Variants in WNK1 observed in about 807,000 individuals in gnomAD.
WNK1 encodes WNK lysine deficient protein kinase 1, also known as serine/threonine-protein kinase WNK1.
In WNK1, 38 loss-of-function variants were observed where a neutral mutation model predicts 222.8. The ratio of observed to expected loss-of-function variants is 0.17; its 90% CI spans 0.13 to 0.22. The LOEUF (loss-of-function observed/expected upper bound fraction) is 0.22, where lower values mean the gene tolerates loss of function less well. Ranked by LOEUF, WNK1 falls within the 10% of genes least tolerant of loss-of-function variation. The pLI, the probability that WNK1 is intolerant of heterozygous loss-of-function variation, is 1.00. For synonymous variants in WNK1, 1,090 were observed against 1,092.9 expected, an observed-to-expected ratio of 1.00 and a Z score of 0.05; for missense variants, 2,348 against 2,918.4, an observed-to-expected ratio of 0.80 and a Z score of 4.50.
At position 808,761 on chromosome 12, in the gene WNK1, C is replaced by CTTT. The variant is rs11322620; in HGVS notation, c.760-4864_760-4862dup. On this transcript the variant is annotated intron_variant, in intron 1 of 27. Coordinates refer to ENST00000315939, the MANE Select transcript of WNK1 (RefSeq NM_018979.4). ...TGGCTTGAGAAAACTGTATCTCTCT[C>CTTT]TTTTTTTTTTTTTTTTTTTGAGAAG... is the stretch of plus-strand genomic sequence containing the variant. Among the ~76,000 whole-genome samples, 10 of 119,378 alleles carry CTTT rather than the reference C, an allele frequency of 8.4e-5. 1 individual carries two copies. Among genetic ancestry groups the CTTT allele is most frequent in the African/African-American group, 1.2e-4 (4 of 33,074 alleles). The allele number at this position is 119,378 out of a possible 152,430, so 78.3% of individuals were successfully genotyped here.
At chr12:796,568 G>A (rs571371557) in intron 1 of WNK1, among the ~76,000 whole-genome samples, 8 of 152,132 alleles carry the variant, frequency 5.3e-5, no homozygotes, top group East Asian at 1.9e-4. Flanking sequence ...GAGCCACTGC[G>A]CCCAGCTGAA....
At chr12:814,186 G>A (rs1405687604) in intron 2 of WNK1, among the ~76,000 whole-genome samples, 1 of 151,250 alleles carries the variant, frequency 6.6e-6, no homozygotes, top group South Asian at 2.1e-4. Context: ...AAAATTAGCC[G>A]GGCATGGTGG....
chr12:887,716 C>G (rs920888502), intron 20 of WNK1, among the ~76,000 whole-genome samples: 1 of 152,158 alleles, frequency 6.6e-6, no homozygotes, highest in Admixed American at 6.5e-5. Context: ...TTCCGCGAGT[C>G]CAGAGCAACC....
At chr12:773,810 A>G (rs1942808710) in intron 1 of WNK1, among the ~76,000 whole-genome samples, 1 of 152,056 alleles carries the variant, frequency 6.6e-6, no homozygotes, top group Admixed American at 6.6e-5. Context: ...GAATTAGTAT[A>G]AATATTTTTA....
intron 8 of WNK1, chr12:865,511 C>T: frequency 3.6e-6 from 4 of 1,104,266 alleles, no homozygotes; most frequent in Non-Finnish European, 5.0e-6. Flanking sequence ...CTGTAGGAAA[C>T]TTTTTTGTAA....
At chr12:907,744 T>G in intron 26 of WNK1, 103 bp from the exon 27 acceptor site, 1 of 1,361,808 alleles carries the variant, frequency 7.3e-7, no homozygotes, top group African/African-American at 1.4e-5. Flanking sequence ...TTCATCCTCT[T>G]CTCATTCTGT....
chr12:906,259 A>G (rs1255322881), intron 26 of WNK1: 1 of 962,516 alleles, frequency 1.0e-6, no homozygotes, highest in Non-Finnish European at 1.2e-6. Flanking sequence ...GAAAACAGAC[A>G]AGACCATGAC....
At position 897,521 on chromosome 12, in the gene WNK1, T is replaced by C. The variant is rs761704269; in HGVS notation, c.6288T>C (p.His2096=). Residue 2096 remains histidine (H), a synonymous_variant, in exon 25 of 28, where the codon CAT becomes CAC. Coordinates refer to ENST00000315939, the MANE Select transcript of WNK1 (RefSeq NM_018979.4). ...AGGACCTGCAGAGTCGCCAGAAGCA[T>C]GAAATTGAATCTTTGTATACCAAAC... ...EIQDLQSRQK[H]EIESLYTKLG... 1.6e-5 allele frequency: 26 copies of C among 1,612,750 alleles called. No individual in the cohort carries two copies. Among genetic ancestry groups the C allele is most frequent in the Admixed American group, 6.7e-5 (4 of 60,004 alleles).
At chr12:787,009 TTAGA>T (rs1565429465) in intron 1 of WNK1, among the ~76,000 whole-genome samples, 1 of 152,218 alleles carries the variant, frequency 6.6e-6, no homozygotes, top group Non-Finnish European at 1.5e-5. Context: ...CTTGCCTTTC[TTAGA>T]TAGATTTATT....
chr12:792,308 C>CTTTTT (rs35838951), intron 1 of WNK1, among the ~76,000 whole-genome samples: 11 of 89,060 alleles, frequency 1.2e-4, no homozygotes, highest in East Asian at 8.2e-4. Context: ...TACTGTTATT[C>CTTTTT]TTTTTTTTTT....
intron 1 of WNK1, among the ~76,000 whole-genome samples, chr12:775,312 A>G (rs192891423): frequency 1.9e-3 from 293 of 152,346 alleles, no homozygotes; most frequent in South Asian, 3.5e-3. Flanking sequence ...TAAATGGCTT[A>G]TCAAGTAATA....
Position 753,307 on chromosome 12 carries a change from T to C in WNK1, c.-259T>C, listed in dbSNP as rs1489991645. The C allele has an allele frequency of 2.8e-5, 15 of 541,956 alleles. No individual in the cohort carries two copies. Among genetic ancestry groups the C allele is most frequent in the East Asian group, 2.3e-4 (7 of 30,294 alleles). 33.6% of individuals were successfully genotyped at this position (541,956 alleles called of 1,614,324 possible). The stretch of plus-strand genomic sequence containing the variant: ...GCGGACCGTGCGGCGCTAACCCCCG[T>C]GGCTCAGCTCCCGAATCGCCCGCCT... On this transcript the variant is annotated 5_prime_UTR_variant, in exon 1 of 28. Transcript: ENST00000315939. The surrounding 1 kb of genome is among the most constrained non-coding windows in gnomAD (Gnocchi z 5.2).
intron 14 of WNK1, 134 bp from the exon 15 acceptor site, chr12:882,809 A>G: frequency 5.8e-6 from 4 of 686,970 alleles, no homozygotes; most frequent in Non-Finnish European, 1.1e-5. Context: ...ACAAAGTACT[A>G]GTGCTCCAAG....
chr12:808,552 C>T (rs1946597642), intron 1 of WNK1, among the ~76,000 whole-genome samples: 1 of 151,662 alleles, frequency 6.6e-6, no homozygotes, highest in East Asian at 1.9e-4. Context: ...CTACTTTTAG[C>T]ATTAACCTAA....
At position 887,284 on chromosome 12, in the gene WNK1, C is replaced by A. The variant is rs1184262031; in HGVS notation, c.5344C>A (p.Pro1782Thr). The A allele has an allele frequency of 6.2e-7, 1 of 1,614,072 alleles. No individual in the cohort carries two copies. The highest frequency in any genetic ancestry group is 8.5e-7 in the Non-Finnish European group (1 of 1,180,022). The change falls in exon 20 of 28, where the codon CCA (proline) becomes ACA (threonine). Residue 1782 changes from proline to threonine, a missense_variant. Pro to Thr is a conservative substitution (Grantham distance 38). Transcript: ENST00000315939. ...ACCCAGCGAGCAGCTGCCACCTTTT[C>A]CAGGACCTTCTCTAACCCAGGTGCC... ...TLPSEQLPPFPGPSLTQSQQP... is the reference protein window; with the variant it reads ...TLPSEQLPPFTGPSLTQSQQP...
At chr12:821,278 A>T (rs77032447) in intron 2 of WNK1, among the ~76,000 whole-genome samples, 3,553 of 152,200 alleles carry the variant, frequency 0.023, 141 homozygotes, top group African/African-American at 0.081. Flanking sequence ...ATCTACATTA[A>T]TAACGGTGTT....
At chr12:759,859 G>A (rs1486254853) in intron 1 of WNK1, among the ~76,000 whole-genome samples, 5 of 147,960 alleles carry the variant, frequency 3.4e-5, no homozygotes, top group African/African-American at 1.2e-4. Context: ...TTATAGAGTT[G>A]TGCTGATTAA....
At chr12:837,871 T>C (rs1448622997) in intron 4 of WNK1, among the ~76,000 whole-genome samples, 1 of 152,232 alleles carries the variant, frequency 6.6e-6, no homozygotes, top group Non-Finnish European at 1.5e-5. Context: ...CACTTTTCTA[T>C]ACAAACATTC....
intron 4 of WNK1, among the ~76,000 whole-genome samples, chr12:831,670 T>C (rs951194497): frequency 2.6e-5 from 4 of 152,194 alleles, no homozygotes; most frequent in Admixed American, 2.0e-4. Flanking sequence ...ATTTTAAATA[T>C]ATATTTGTAA....
Sources: gnomAD v4.1 joint callset for allele counts (sites outside exome capture counted in the v4.1 genomes callset) on GRCh38, gnomAD v4.1.1 for gene constraint, Gnocchi (gnomAD v3.1) non-coding constraint, MANE v1.5 for transcripts, NCBI Gene and HGNC (gene_info 2026-07-23, HGNC 2026-07-21) for gene names.